The following ENOX2 variants were observed in gnomAD, a reference collection of about 807,000 sequenced individuals.
ENOX2 encodes APK1 antigen.
Under a neutral mutation model 45.0 loss-of-function variants are expected in ENOX2, and 36 were observed. The ratio of observed to expected loss-of-function variants is 0.80; its 90% CI spans 0.61 to 1.06. The LOEUF (loss-of-function observed/expected upper bound fraction) is 1.06. ENOX2 is among the 50% of genes least tolerant of loss of function. The pLI, the probability that ENOX2 is intolerant of heterozygous loss-of-function variation, is 0.00. For missense variants in ENOX2, 423 were observed against 462.5 expected, an observed-to-expected ratio of 0.91 and a Z score of 0.78; for synonymous variants, 174 against 152.3, an observed-to-expected ratio of 1.14 and a Z score of -1.05.
At chrX:130,710,837 C>G (rs909436298) in intron 3 of ENOX2, among the ~76,000 whole-genome samples, 2 of 111,937 alleles carry the variant, frequency 1.8e-5, no homozygotes, top group African/African-American at 6.5e-5. Context: ...TACTTCTATG[C>G]TTCACATCAA....
chrX:130,680,221 A>C (rs1199298437), intron 5 of ENOX2, among the ~76,000 whole-genome samples: 1 of 112,070 alleles, frequency 8.9e-6, no homozygotes, highest in East Asian at 2.8e-4. Flanking sequence ...ATTCAGGATT[A>C]ATTTGACAAT....
intron 2 of ENOX2, among the ~76,000 whole-genome samples, chrX:130,821,096 AT>A (rs920507506): frequency 3.6e-5 from 4 of 111,951 alleles, no homozygotes; most frequent in Admixed American, 9.5e-5. Flanking sequence ...TAAAAATAAA[AT>A]TTTTTTTAAA....
At chrX:130,833,475 G>T (rs940198862) in intron 2 of ENOX2, among the ~76,000 whole-genome samples, 7 of 111,133 alleles carry the variant, frequency 6.3e-5, no homozygotes, top group African/African-American at 2.3e-4. Flanking sequence ...GCTTAAGAGA[G>T]TAACAAGGGG....
chrX:130,688,270 G>A (rs777921720), intron 5 of ENOX2, among the ~76,000 whole-genome samples: 15 of 112,403 alleles, frequency 1.3e-4, no homozygotes, highest in African/African-American at 4.8e-4. Flanking sequence ...CTAAGGAGAA[G>A]CCTCCTCATT....
At chrX:130,637,067 T>G (rs1038671679) in intron 11 of ENOX2, among the ~76,000 whole-genome samples, 162 bp downstream of exon 11, 7 of 112,715 alleles carry the variant, frequency 6.2e-5, no homozygotes, top group Non-Finnish European at 1.1e-4. Flanking sequence ...AATTGGAATA[T>G]TTAATTAAAC....
At chrX:130,773,212 A>G (rs2039780103) in intron 3 of ENOX2, among the ~76,000 whole-genome samples, 1 of 112,023 alleles carries the variant, frequency 8.9e-6, no homozygotes, top group Non-Finnish European at 1.9e-5. Flanking sequence ...ACTGAATCCT[A>G]AAACAACCCT....
At chrX:130,687,112 C>T (rs764990558) in intron 5 of ENOX2, among the ~76,000 whole-genome samples, 5 of 111,853 alleles carry the variant, frequency 4.5e-5, no homozygotes, top group African/African-American at 1.6e-4. Flanking sequence ...AAAGTTAGAG[C>T]CTTCTTAAGC....
At chrX:130,664,126 G>C (rs1330546066) in intron 9 of ENOX2, among the ~76,000 whole-genome samples, 2 of 111,895 alleles carry the variant, frequency 1.8e-5, no homozygotes, top group Non-Finnish European at 3.8e-5. Context: ...CTGTCTTCAG[G>C]GATTTCTTTC....
intron 3 of ENOX2, among the ~76,000 whole-genome samples, chrX:130,748,277 T>G (rs966027653): frequency 1.8e-5 from 2 of 112,125 alleles, no homozygotes; most frequent in Admixed American, 9.4e-5. Flanking sequence ...ATTGTCTCAT[T>G]TATTTCTTCA....
intron 2 of ENOX2, among the ~76,000 whole-genome samples, chrX:130,824,859 T>C (rs1243853765): frequency 1.8e-5 from 2 of 111,446 alleles, no homozygotes; most frequent in African/African-American, 6.5e-5. Flanking sequence ...ATTGATGAAA[T>C]ATTTAAGACT....
At chrX:130,698,723 CCTT>C (rs1226023252) in intron 4 of ENOX2, among the ~76,000 whole-genome samples, 1 of 111,545 alleles carries the variant, frequency 9.0e-6, no homozygotes, top group Admixed American at 9.6e-5. Flanking sequence ...CATACAAACT[CCTT>C]CTTTCTTTCT....
chrX:130,638,663 A>G (rs1461367496), intron 10 of ENOX2, among the ~76,000 whole-genome samples: 6 of 111,873 alleles, frequency 5.4e-5, no homozygotes, highest in Non-Finnish European at 1.1e-4. Context: ...GTTACAGGGC[A>G]AACAGCTGCC....
intron 3 of ENOX2, among the ~76,000 whole-genome samples, chrX:130,769,587 A>G (rs1487839786): frequency 9.0e-6 from 1 of 111,676 alleles, no homozygotes; most frequent in Non-Finnish European, 1.9e-5. Context: ...AGTGTTTTTC[A>G]TCAGTGGAAG....
At chrX:130,782,873 T>A (rs1268293264) in intron 3 of ENOX2, among the ~76,000 whole-genome samples, 25 of 109,690 alleles carry the variant, frequency 2.3e-4, no homozygotes, top group African/African-American at 7.9e-4. Flanking sequence ...AAGATGAGAA[T>A]AGGCCAATGG....
chrX:130,667,537 G>T lies in ENOX2; in HGVS notation c.900C>A (p.Leu300=), dbSNP rs752312522. Reference sequence around the variant, plus strand: ...ACTCTAAGTTCCACTCACATTGAATGAGAATTCCAGAAAGGGCCTGCTTGA... The same window carrying T: ...ACTCTAAGTTCCACTCACATTGAATTAGAATTCCAGAAAGGGCCTGCTTGA... ...EKFKQALSGI[L]IQFEQIVAVY... is the part of the protein sequence containing the mutation. Residue 300 remains leucine (L), a synonymous_variant, in exon 8 of 15, where the codon CTC becomes CTA. Transcript: ENST00000394363. 1.7e-5 allele frequency: 20 copies of T among 1,205,132 alleles called. No individual in the cohort carries two copies. The Admixed American group carries it at 4.4e-4, about 26-fold the overall frequency.
rs757826081 is a variant in ENOX2 at position 130,831,773 on chromosome X, T to C, written c.-182-48083A>G. 1.1e-3 allele frequency among the ~76,000 whole-genome samples: 128 copies of C among 111,920 alleles called. 1 individual carries two copies. The highest frequency in any genetic ancestry group is 2.2e-3 in the Non-Finnish European group (119 of 53,135). ...TATTTCCATGTTTATTTGTCTGTTG[T>C]AAAGCTCAATGAGGGCAGCGACCTT... is the stretch of plus-strand genomic sequence containing the variant. On this transcript the variant is annotated intron_variant, in intron 2 of 14. Coordinates refer to ENST00000394363, the MANE Select transcript of ENOX2 (RefSeq NM_006375.4).
At chrX:130,645,399 A>G (rs1487008546) in intron 10 of ENOX2, among the ~76,000 whole-genome samples, 1 of 112,237 alleles carries the variant, frequency 8.9e-6, no homozygotes, top group Non-Finnish European at 1.9e-5. Context: ...TAAAGAGGTC[A>G]ATAACACTAG....
intron 3 of ENOX2, among the ~76,000 whole-genome samples, chrX:130,737,173 T>C (rs2038879241): frequency 8.9e-6 from 1 of 111,861 alleles, no homozygotes; most frequent in Admixed American, 9.4e-5. Context: ...TTTAGGAGTC[T>C]GAAAAAGACA....
rs376168345 is a variant in ENOX2 at position 130,632,364 on chromosome X, C to G, written c.1420-788G>C. The stretch of plus-strand genomic sequence containing the variant: ...TCTTTCAGAATGTAGCAGGAAGGGG[C>G]GGGGGGGGGGGGTGGTCCTAAGAGA... On this transcript the variant is annotated intron_variant, in intron 12 of 14. Transcript: ENST00000394363. 5.1e-3 allele frequency among the ~76,000 whole-genome samples: 40 copies of G among 7,774 alleles called. 2 individuals are homozygous for G. Among genetic ancestry groups the G allele is most frequent in the African/African-American group, 8.1e-3 (27 of 3,314 alleles). 6.8% of individuals were successfully genotyped at this position (7,774 alleles called of 115,157 possible).
Sources: allele counts gnomAD v4.1 joint callset (sites outside exome capture counted in the v4.1 genomes callset), GRCh38; gene constraint gnomAD v4.1.1; transcripts MANE v1.5; gene names NCBI Gene and HGNC (gene_info 2026-07-23, HGNC 2026-07-21).